Variants in PDE4D observed in about 807,000 individuals in gnomAD.
PDE4D encodes the protein phosphodiesterase 4D, also known as 3',5'-cyclic-AMP phosphodiesterase 4D.
PDE4D carries 24 observed loss-of-function variants against 87.4 expected under a neutral mutation model. That is an observed-to-expected ratio of 0.27 (90% CI 0.20 to 0.39). PDE4D has a LOEUF of 0.39. Ranked by LOEUF, PDE4D falls within the 10% of genes least tolerant of loss-of-function variation. The pLI is 1.00. For synonymous variants in PDE4D, 384 were observed against 383.2 expected (o/e 1.00, Z -0.02); for missense variants, 714 against 1,041.0 (o/e 0.69, Z 4.32).
chr5:59,771,483 A>AAGAG lies in PDE4D; in HGVS notation c.455+121681_455+121684dup, dbSNP rs1175904019. ...AAAGAAAGAAAGAAAGAAAGAAAGA[A>AAGAG]AGAGAGAGAGAGAGAGAAGAAAGAA... is the stretch of plus-strand genomic sequence containing the variant. On this transcript the variant is annotated intron_variant, in intron 1 of 14. Transcript: ENST00000340635. 6.3e-4 allele frequency among the ~76,000 whole-genome samples: 34 copies of AAGAG among 54,390 alleles called. 1 individual carries two copies. Among genetic ancestry groups the AAGAG allele is most frequent in the African/African-American group, 1.8e-3 (27 of 15,040 alleles). 35.7% of individuals were successfully genotyped at this position (54,390 alleles called of 152,430 possible).
chr5:59,182,295 T>C (rs1741838167), intron 4 of PDE4D, among the ~76,000 whole-genome samples: 1 of 151,934 alleles, frequency 6.6e-6, no homozygotes, highest in Non-Finnish European at 1.5e-5. Context: ...TCTCACTCTG[T>C]TGCTCAGGCT....
chr5:59,022,530 T>C (rs1287361745), intron 6 of PDE4D, among the ~76,000 whole-genome samples: 1 of 152,192 alleles, frequency 6.6e-6, no homozygotes, highest in African/African-American at 2.4e-5. Flanking sequence ...CGTGAGTTTA[T>C]CCTATATCTT....
intron 2 of PDE4D, among the ~76,000 whole-genome samples, chr5:60,158,034 T>C (rs774464457): frequency 6.6e-5 from 10 of 152,154 alleles, no homozygotes; most frequent in Non-Finnish European, 1.3e-4. Context: ...ATGGTGCTAA[T>C]TGATAGTACT....
chr5:59,740,232 G>T (rs1336265811), intron 1 of PDE4D, among the ~76,000 whole-genome samples: 1 of 152,102 alleles, frequency 6.6e-6, no homozygotes, highest in Non-Finnish European at 1.5e-5. Context: ...GACTTTCTAA[G>T]TACATAATTT....
At chr5:59,997,498 T>A (rs2152836407) in intron 2 of PDE4D, among the ~76,000 whole-genome samples, 1 of 152,198 alleles carries the variant, frequency 6.6e-6, no homozygotes, top group Non-Finnish European at 1.5e-5. Flanking sequence ...AAACCATCAT[T>A]TAAGTGATGA....
intron 5 of PDE4D, among the ~76,000 whole-genome samples, chr5:59,062,657 G>T (rs1406990583): frequency 1.3e-5 from 2 of 150,200 alleles, no homozygotes; most frequent in Non-Finnish European, 3.0e-5. Flanking sequence ...CACATAGAGT[G>T]ATACTGCAAA....
At chr5:59,085,722 A>T (rs1767554827) in intron 5 of PDE4D, among the ~76,000 whole-genome samples, 1 of 152,202 alleles carries the variant, frequency 6.6e-6, no homozygotes, top group Non-Finnish European at 1.5e-5. Context: ...ATAGAAGATT[A>T]AAAAACATGA....
chr5:59,901,936 ACACACACACAC>A (rs1752312908), intron 3 of PDE4D, among the ~76,000 whole-genome samples: 1 of 33,510 alleles, frequency 3.0e-5, no homozygotes, highest in Non-Finnish European at 6.2e-5. Context: ...ACACACACAC[ACACACACACAC>A]ACACACACAC....
chr5:59,196,802 C>A (rs1228011125), intron 2 of PDE4D, among the ~76,000 whole-genome samples: 1 of 152,016 alleles, frequency 6.6e-6, no homozygotes, highest in African/African-American at 2.4e-5. Flanking sequence ...TCAATGGTTT[C>A]TGACATTAAA....
chr5:59,251,198 G>A (rs2153529281), intron 1 of PDE4D, among the ~76,000 whole-genome samples: 1 of 152,216 alleles, frequency 6.6e-6, no homozygotes, highest in Admixed American at 6.5e-5. Context: ...AAACTTAAAA[G>A]CTTCTGCACA....
intron 1 of PDE4D, among the ~76,000 whole-genome samples, chr5:59,353,240 C>T (rs1780812149): frequency 1.3e-5 from 2 of 152,032 alleles, no homozygotes; most frequent in Admixed American, 1.3e-4. Flanking sequence ...TAGTTTTAAG[C>T]AATAATATAT....
chr5:59,812,708 G>A (rs551738065), intron 1 of PDE4D, among the ~76,000 whole-genome samples: 1 of 151,960 alleles, frequency 6.6e-6, no homozygotes, highest in African/African-American at 2.4e-5. Context: ...AAAGTAACAA[G>A]TGAGACAAGT....
At chr5:60,122,819 T>A (rs1006808761) in intron 2 of PDE4D, among the ~76,000 whole-genome samples, 11 of 152,370 alleles carry the variant, frequency 7.2e-5, no homozygotes, top group Admixed American at 2.6e-4. Flanking sequence ...TCTATCACAT[T>A]GTCAGGCTAC....
chr5:59,351,156 C>T (rs1780472577), intron 1 of PDE4D, among the ~76,000 whole-genome samples: 2 of 152,104 alleles, frequency 1.3e-5, no homozygotes, highest in Admixed American at 6.6e-5. Flanking sequence ...ATCTGCACAA[C>T]GACCTTATGA....
At chr5:60,313,760 A>G (rs1755266334) in intron 1 of PDE4D, among the ~76,000 whole-genome samples, 2 of 152,364 alleles carry the variant, frequency 1.3e-5, no homozygotes, top group South Asian at 4.1e-4. Flanking sequence ...AGTAGACTTT[A>G]TCCCTGGGAT....
rs111762304 is a variant in PDE4D at position 59,285,659 on chromosome 5, C to T, written c.456-69691G>A. On this transcript the variant is annotated intron_variant, in intron 1 of 14. Coordinates refer to ENST00000340635, the MANE Select transcript of PDE4D (RefSeq NM_001104631.2). ...TTTGTTAAATATTTAGGAAAAATGG[C>T]CTTAATCTGGAGAAACTATTATGCA... Among the ~76,000 whole-genome samples, 258 of 152,186 alleles carry T rather than the reference C, an allele frequency of 1.7e-3. 3 individuals are homozygous for T. The highest frequency in any genetic ancestry group is 0.014 in the Middle Eastern group (4 of 294).
rs1197060985 is a variant in PDE4D at position 60,217,729 on chromosome 5, T to C, written c.-89-32042A>G. On this transcript the variant is annotated intron_variant, in intron 1 of 16. Coordinates refer to the PDE4D transcript ENST00000502484. ...ACAAAAAAAGACAATTAAAGGAAAATAGCTAAAAAATTTGAATAGTATTTC... is the reference window on the plus strand; with the variant it reads ...ACAAAAAAAGACAATTAAAGGAAAACAGCTAAAAAATTTGAATAGTATTTC... Among the ~76,000 whole-genome samples the C allele has an allele frequency of 2.6e-5, 4 of 151,632 alleles. No individual in the cohort carries two copies. The East Asian group carries it at 7.7e-4, about 29-fold the overall frequency.
At chr5:59,852,829 A>G (rs1022129261) in intron 1 of PDE4D, among the ~76,000 whole-genome samples, 17 of 152,016 alleles carry the variant, frequency 1.1e-4, no homozygotes. Flanking sequence ...AGGAATAAAA[A>G]AAAAAAGAGT....
In PDE4D at chr5:59,671,810, G is replaced by GA. The variant is rs113705465; in HGVS notation, c.455+221357dup. 3.9e-3 allele frequency among the ~76,000 whole-genome samples: 479 copies of GA among 121,524 alleles called. 6 individuals carry two copies. Among genetic ancestry groups the GA allele is most frequent in the East Asian group, 0.025 (106 of 4,302 alleles). 79.7% of individuals were successfully genotyped at this position (121,524 alleles called of 152,430 possible). A position where few individuals can be genotyped will look rare whatever the true frequency, so the allele number is the denominator to read the frequency against. On this transcript the variant is annotated intron_variant, in intron 1 of 14. Transcript: ENST00000340635. ...TGACAAAGGGAGACCCTGTCTCAAG[G>GA]AAAAAAAAAAAAAAAGTAAAGAAAT... is the stretch of plus-strand genomic sequence containing the variant.
Sources: allele counts gnomAD v4.1 joint callset (sites outside exome capture counted in the v4.1 genomes callset), GRCh38; gene constraint gnomAD v4.1.1; transcripts MANE v1.5; gene names NCBI Gene and HGNC (gene_info 2026-07-23, HGNC 2026-07-21).